The following ADAM23 variants were observed in gnomAD, a reference collection of about 807,000 sequenced individuals.
ADAM23 encodes disintegrin and metalloproteinase domain-containing protein 23.
In ADAM23, 33 loss-of-function variants were observed where a neutral mutation model predicts 120.1. That is an observed-to-expected ratio of 0.27 (90% CI 0.21 to 0.37). The LOEUF (loss-of-function observed/expected upper bound fraction) is 0.37, where lower values mean the gene tolerates loss of function less well. Ranked by LOEUF, ADAM23 falls within the 10% of genes least tolerant of loss-of-function variation. ADAM23 has a pLI of 1.00. For synonymous variants in ADAM23, 367 were observed against 375.2 expected, an observed-to-expected ratio of 0.98 and a Z score of 0.25; for missense variants, 862 against 1,058.2, an observed-to-expected ratio of 0.81 and a Z score of 2.57.
At chr2:206,557,145 G>A (rs918597882) in intron 9 of ADAM23, among the ~76,000 whole-genome samples, 4 of 151,680 alleles carry the variant, frequency 2.6e-5, no homozygotes, top group Non-Finnish European at 4.4e-5. Flanking sequence ...GCTTAGGCTG[G>A]TCTCAAATCC....
chr2:206,557,468 T>C lies in ADAM23; in HGVS notation c.975T>C (p.Phe325=), dbSNP rs1697670197. Reference sequence around the variant, plus strand: ...CTTCTCATGCACATACCAACAACTTTGCAAAGTCCGTGGTCAACCTTGTGG... The same window carrying C: ...CTTCTCATGCACATACCAACAACTTCGCAAAGTCCGTGGTCAACCTTGTGG... The part of the protein sequence containing the change: ...HRSSHAHTNN[F]AKSVVNLVDS... The change falls in exon 10 of 26, where the codon TTT becomes TTC. Residue 325 remains phenylalanine, a synonymous_variant. Transcript: ENST00000264377. The C allele has an allele frequency of 1.2e-6, 2 of 1,614,012 alleles. No individual in the cohort carries two copies. Among genetic ancestry groups the C allele is most frequent in the Non-Finnish European group, 1.7e-6 (2 of 1,179,868 alleles).
At chr2:206,583,551 A>G (rs961726113) in intron 18 of ADAM23, among the ~76,000 whole-genome samples, 29 of 151,136 alleles carry the variant, frequency 1.9e-4, no homozygotes, top group African/African-American at 7.0e-4. Flanking sequence ...GGTTTTGTTC[A>G]TATTTTCTTA....
chr2:206,570,345 G>C (rs1415099110), intron 15 of ADAM23, among the ~76,000 whole-genome samples: 1 of 152,062 alleles, frequency 6.6e-6, no homozygotes, highest in Non-Finnish European at 1.5e-5. Flanking sequence ...AGTTTTTATG[G>C]CTTCTCAGCT....
intron 3 of ADAM23, among the ~76,000 whole-genome samples, chr2:206,528,527 C>T (rs1057313646): frequency 7.9e-5 from 12 of 152,172 alleles, no homozygotes; most frequent in African/African-American, 2.7e-4. Context: ...TCATCACACA[C>T]AGGACATACG....
At chr2:206,569,525 G>T in intron 15 of ADAM23, among the ~76,000 whole-genome samples, 1 of 152,112 alleles carries the variant, frequency 6.6e-6, no homozygotes, top group East Asian at 1.9e-4. Context: ...TATTTTCTGT[G>T]CTTTAGGAAT....
At chr2:206,471,136 C>T (rs1377211773) in intron 2 of ADAM23, among the ~76,000 whole-genome samples, 3 of 152,158 alleles carry the variant, frequency 2.0e-5, no homozygotes, top group African/African-American at 7.2e-5. Context: ...CAGGTCTGCT[C>T]AGCCTTCTTT....
At chr2:206,569,803 T>C (rs1349514437) in intron 15 of ADAM23, among the ~76,000 whole-genome samples, 1 of 152,202 alleles carries the variant, frequency 6.6e-6, no homozygotes, top group Non-Finnish European at 1.5e-5. Context: ...TTTGCCTTCC[T>C]GGAAGTGGAA....
intron 2 of ADAM23, among the ~76,000 whole-genome samples, chr2:206,462,973 T>C (rs950706734): frequency 6.6e-6 from 1 of 151,946 alleles, no homozygotes; most frequent in Non-Finnish European, 1.5e-5. Flanking sequence ...GGGATACCAG[T>C]TGGGAGGGGT....
chr2:206,477,421 T>G (rs903634072), intron 2 of ADAM23, among the ~76,000 whole-genome samples: 1 of 152,210 alleles, frequency 6.6e-6, no homozygotes, highest in Non-Finnish European at 1.5e-5. Context: ...GCAGCTGTTC[T>G]CAGTCCTTCA....
chr2:206,480,194 TG>T (rs1278210421), intron 2 of ADAM23, among the ~76,000 whole-genome samples: 1 of 151,898 alleles, frequency 6.6e-6, no homozygotes, highest in Non-Finnish European at 1.5e-5. Context: ...GCATTGCAGG[TG>T]GGACGCCTTT....
At chr2:206,498,442 A>ATGTTTT (rs1696306883) in intron 3 of ADAM23, among the ~76,000 whole-genome samples, 5 of 151,956 alleles carry the variant, frequency 3.3e-5, no homozygotes, top group African/African-American at 1.2e-4. Flanking sequence ...AAAACTGGCT[A>ATGTTTT]CCCATATGTA....
At chr2:206,499,674 A>G (rs923103511) in intron 3 of ADAM23, among the ~76,000 whole-genome samples, 2 of 152,140 alleles carry the variant, frequency 1.3e-5, no homozygotes, top group African/African-American at 4.8e-5. Flanking sequence ...AAAAAAATTT[A>G]CATGTGATCT....
chr2:206,559,884 C>CT, intron 10 of ADAM23, 71 bp from the exon 11 acceptor site: 1 of 1,392,916 alleles, frequency 7.2e-7, no homozygotes. Flanking sequence ...CTTCCACTGA[C>CT]TCTGACTCAC....
At chr2:206,548,949 C>T (rs923302286) in intron 8 of ADAM23, among the ~76,000 whole-genome samples, 1 of 151,944 alleles carries the variant, frequency 6.6e-6, no homozygotes, top group African/African-American at 2.4e-5. Flanking sequence ...TATTGATAAA[C>T]GTATAGGGGC....
At chr2:206,606,526 C>T (rs1698731378) in intron 24 of ADAM23, 1 of 152,144 alleles carries the variant, frequency 6.6e-6, no homozygotes, top group South Asian at 2.1e-4. Flanking sequence ...TAATCCAAAC[C>T]TGTATAACCA....
At chr2:206,538,712 G>A (rs915081139) in intron 4 of ADAM23, among the ~76,000 whole-genome samples, 1 of 152,088 alleles carries the variant, frequency 6.6e-6, no homozygotes, top group African/African-American at 2.4e-5. Flanking sequence ...AAAACTATTG[G>A]TTCTATTTCC....
At chr2:206,552,447 G>T (rs932405051) in intron 9 of ADAM23, among the ~76,000 whole-genome samples, 59 of 152,024 alleles carry the variant, frequency 3.9e-4, no homozygotes, top group African/African-American at 5.5e-4. Context: ...CATATTTTTT[G>T]AATTTATTTT....
intron 2 of ADAM23, among the ~76,000 whole-genome samples, chr2:206,461,793 G>T (rs1457298475): frequency 6.6e-6 from 1 of 152,160 alleles, no homozygotes; most frequent in Non-Finnish European, 1.5e-5. Flanking sequence ...GGGATTGTTT[G>T]TTATTCCAAA....
At chr2:206,597,141 T>C (rs941729169) in intron 24 of ADAM23, among the ~76,000 whole-genome samples, 1 of 150,262 alleles carries the variant, frequency 6.7e-6, no homozygotes, top group Admixed American at 6.6e-5. Context: ...TCTGGGATTA[T>C]AGGTGTGAAC....
Sources: allele counts gnomAD v4.1 joint callset (sites outside exome capture counted in the v4.1 genomes callset), GRCh38; gene constraint gnomAD v4.1.1; transcripts MANE v1.5; gene names NCBI Gene and HGNC (gene_info 2026-07-23, HGNC 2026-07-21).